CTNS: variants seen among roughly 807,000 people sequenced by gnomAD.
CTNS encodes cystinosin.
Under a neutral mutation model 43.7 loss-of-function variants are expected in CTNS, and 27 were observed. The observed-to-expected ratio is 0.62, with a 90% CI of 0.46 to 0.85. The LOEUF is 0.85. Ranked by LOEUF, CTNS falls within the 40% of genes least tolerant of loss-of-function variation. The probability of loss-of-function intolerance (pLI) is 0.00; values close to 1 mark genes in which losing one functional copy is unlikely to be tolerated. For synonymous variants in CTNS, 187 were observed against 190.6 expected, an observed-to-expected ratio of 0.98 and a Z score of 0.16; for missense variants, 457 against 475.4, an observed-to-expected ratio of 0.96 and a Z score of 0.36.
rs538115360 is a variant in CTNS, at chr17:3,638,613, G to C, written c.-20+1297G>C. Among the ~76,000 whole-genome samples the C allele has an allele frequency of 4.6e-5, 7 of 152,290 alleles. No homozygotes were observed. The East Asian group carries it at 1.4e-3, about 29-fold the overall frequency. On this transcript the variant is annotated intron_variant, in intron 2 of 11. Coordinates refer to ENST00000046640, the MANE Select transcript of CTNS (RefSeq NM_004937.3). ...TGTCTCTGCTGGCATCGTTCCTCCA[G>C]GGGTCTCAGCCTTTGAGGCTTGGGA...
At chr17:3,637,870 G>A (rs1400620614) in intron 2 of CTNS, among the ~76,000 whole-genome samples, 3 of 146,474 alleles carry the variant, frequency 2.0e-5, no homozygotes, top group African/African-American at 8.4e-5. Context: ...CCACAAGGTC[G>A]CATAAGTAAT....
At chr17:3,652,021 C>A (rs1597635398) in intron 5 of CTNS, among the ~76,000 whole-genome samples, 2 of 151,196 alleles carry the variant, frequency 1.3e-5, no homozygotes, top group South Asian at 4.2e-4. Flanking sequence ...AGAGTCAAAC[C>A]ATTGGTGTGA....
chr17:3,656,639 G>T, intron 8 of CTNS, 37 bp from the exon 9 acceptor site: 1 of 1,612,542 alleles, frequency 6.2e-7, no homozygotes. Flanking sequence ...TGGCCCGGCT[G>T]CCCCTCACCA....
At chr17:3,656,418 C>A in intron 7 of CTNS, 69 bp from the exon 8 acceptor site, 2 of 697,286 alleles carry the variant, frequency 2.9e-6, no homozygotes, top group Non-Finnish European at 4.5e-6. Flanking sequence ...AGTCCTCACC[C>A]TCTGCCCTGT....
At position 3,661,156 on chromosome 17, in the gene CTNS, C is replaced by G; in HGVS notation, c.*787C>G. On this transcript the variant is annotated 3_prime_UTR_variant, in exon 12 of 12. Transcript: ENST00000046640. ...TGCTCCTTACCCAGCATCTGGAGTACAGGACATAGCTCTCTCCTGCTACCA... is the reference window on the plus strand; with the variant it reads ...TGCTCCTTACCCAGCATCTGGAGTAGAGGACATAGCTCTCTCCTGCTACCA... 1 of 306,202 alleles carries G rather than the reference C, an allele frequency of 3.3e-6. No homozygotes were observed. The highest frequency in any genetic ancestry group is 6.4e-6 in the Non-Finnish European group (1 of 156,234). 19.0% of individuals were successfully genotyped at this position (306,202 alleles called of 1,614,324 possible).
At chr17:3,659,051 G>A (rs938128058) in intron 10 of CTNS, among the ~76,000 whole-genome samples, 5 of 152,142 alleles carry the variant, frequency 3.3e-5, no homozygotes, top group East Asian at 1.9e-4. Flanking sequence ...CCAAGAAACC[G>A]GGGATGGAGG....
chr17:3,642,052 TGTGTACCCGGGC>T (rs1409908038), intron 3 of CTNS, among the ~76,000 whole-genome samples: 13 of 106,748 alleles, frequency 1.2e-4, no homozygotes, highest in South Asian at 2.9e-4. Context: ...TGTGTGTGTG[TGTGTACCCGGGC>T]GTGTGTGTGT....
At chr17:3,646,916 G>C (rs545655423) in intron 3 of CTNS, among the ~76,000 whole-genome samples, 1 of 152,334 alleles carries the variant, frequency 6.6e-6, no homozygotes, top group South Asian at 2.1e-4. Flanking sequence ...AAGGGGACCA[G>C]TGCCAGGGTG....
chr17:3,641,166 T>G (rs1034791945), intron 3 of CTNS, among the ~76,000 whole-genome samples: 1 of 151,196 alleles, frequency 6.6e-6, no homozygotes, highest in African/African-American at 2.4e-5. Flanking sequence ...GGGATGGAGT[T>G]TACACGTCCT....
At chr17:3,640,528 T>C (rs1414823774) in intron 3 of CTNS, among the ~76,000 whole-genome samples, 1 of 152,254 alleles carries the variant, frequency 6.6e-6, no homozygotes, top group Non-Finnish European at 1.5e-5. Context: ...AGTGAACAGC[T>C]GGTTCTTAAG....
chr17:3,657,907 G>C, intron 9 of CTNS, 98 bp from the exon 10 acceptor site: 3 of 1,410,724 alleles, frequency 2.1e-6, no homozygotes, highest in Non-Finnish European at 3.0e-6. Context: ...TCCAGCCTCC[G>C]TGCCCCTCTC....
chr17:3,645,965 G>A (rs1461358361), intron 3 of CTNS, among the ~76,000 whole-genome samples: 10 of 120,404 alleles, frequency 8.3e-5, no homozygotes, highest in South Asian at 4.9e-4. Context: ...TGGGTGGGGG[G>A]AACTGGGCCT....
chr17:3,657,303 C>T (rs1426755492), intron 9 of CTNS, among the ~76,000 whole-genome samples: 6 of 152,130 alleles, frequency 3.9e-5, no homozygotes, highest in Non-Finnish European at 8.8e-5. Flanking sequence ...GGAGGGGGCC[C>T]GCGTGCAGGC....
chr17:3,657,999 C>A lies in CTNS; in HGVS notation c.682-6C>A, dbSNP rs771702489. On this transcript the variant is annotated splice_polypyrimidine_tract_variant and splice_region_variant and intron_variant, in intron 9 of 11. Transcript: ENST00000046640. ...GTCCACATCTCTGCCCTCCTCTCGC[C>A]CCCAGCGCGGTGGCCAGCGCGTGTC... 4 of 1,608,032 alleles carry A rather than the reference C, an allele frequency of 2.5e-6. No homozygotes were observed. The highest frequency in any genetic ancestry group is 3.4e-6 in the Non-Finnish European group (4 of 1,179,860).
At chr17:3,642,142 CGTGTGT>C (rs75793503) in intron 3 of CTNS, among the ~76,000 whole-genome samples, 4 of 146,408 alleles carry the variant, frequency 2.7e-5, no homozygotes, top group African/African-American at 5.1e-5. Flanking sequence ...TGTGCCCGGG[CGTGTGT>C]GTGTGTGTGT....
At chr17:3,659,624 G>C (rs1326952718) in intron 10 of CTNS, among the ~76,000 whole-genome samples, 3 of 152,236 alleles carry the variant, frequency 2.0e-5, no homozygotes, top group Admixed American at 6.5e-5. Context: ...TGAGGTGTGG[G>C]GGGTGCGGGG....
chr17:3,657,947 C>A (rs1184753560), intron 9 of CTNS, 58 bp from the exon 10 acceptor site: 3 of 1,593,362 alleles, frequency 1.9e-6, no homozygotes, highest in Non-Finnish European at 1.7e-6. Context: ...GCCGTCCTTG[C>A]TCAGCCCCGG....
intron 7 of CTNS, chr17:3,655,690 A>G (rs953290700): frequency 2.9e-5 from 11 of 373,724 alleles, no homozygotes; most frequent in African/African-American, 2.1e-4. Flanking sequence ...TGCGGCGTCA[A>G]GTCCTGTAGT....
At chr17:3,645,859 C>G (rs1046530598) in intron 3 of CTNS, among the ~76,000 whole-genome samples, 5 of 74,270 alleles carry the variant, frequency 6.7e-5, no homozygotes, top group Admixed American at 5.5e-4. Flanking sequence ...GACTCTGTCT[C>G]AAAAAAAAAA....
Sources: gnomAD v4.1 joint callset for allele counts (sites outside exome capture counted in the v4.1 genomes callset) on GRCh38, gnomAD v4.1.1 for gene constraint, MANE v1.5 for transcripts, NCBI Gene and HGNC (gene_info 2026-07-23, HGNC 2026-07-21) for gene names.